WDR27: variants seen among roughly 807,000 people sequenced by gnomAD.
WDR27 encodes WD repeat-containing protein 27.
In WDR27, 100 loss-of-function variants were observed where a neutral mutation model predicts 114.4. That is an observed-to-expected ratio of 0.87 (90% confidence interval 0.74 to 1.03). The LOEUF is 1.03. Ranked by LOEUF, WDR27 falls within the 50% of genes least tolerant of loss-of-function variation. The pLI is 0.00. For missense variants in WDR27, 1,129 were observed against 1,092.9 expected, an observed-to-expected ratio of 1.03 and a Z score of -0.47; for synonymous variants, 449 against 423.1, an observed-to-expected ratio of 1.06 and a Z score of -0.75.
intron 13 of WDR27, 154 bp downstream of exon 13, chr6:169,658,122 C>T (rs957410781): frequency 9.9e-5 from 63 of 633,752 alleles, no homozygotes; most frequent in Non-Finnish European, 4.5e-5. Flanking sequence ...ACATGGAACA[C>T]GCACGAGAGG....
chr6:169,490,362 G>A (rs148328478), intron 25 of WDR27, among the ~76,000 whole-genome samples: 158 of 152,346 alleles, frequency 1.0e-3, no homozygotes, highest in Middle Eastern at 3.4e-3. Context: ...TTCTAAGAAG[G>A]TTTGGGATTG....
At chr6:169,492,007 A>G (rs920541781) in intron 25 of WDR27, among the ~76,000 whole-genome samples, 1 of 152,248 alleles carries the variant, frequency 6.6e-6, no homozygotes, top group African/African-American at 2.4e-5. Context: ...GAATGCTAAG[A>G]GGACAGACAA....
chr6:169,508,720 A>G (rs1469977868), intron 25 of WDR27, among the ~76,000 whole-genome samples: 3 of 152,246 alleles, frequency 2.0e-5, no homozygotes, highest in African/African-American at 7.2e-5. Context: ...AGGCTTAAAC[A>G]ACTTTACAAC....
At chr6:169,541,913 G>A (rs1584087982) in intron 25 of WDR27, among the ~76,000 whole-genome samples, 1 of 152,070 alleles carries the variant, frequency 6.6e-6, no homozygotes, top group Admixed American at 6.5e-5. Context: ...TCCTCCTCTA[G>A]ACAAATAGGG....
chr6:169,690,212 C>G (rs1784125972), intron 1 of WDR27, among the ~76,000 whole-genome samples: 2 of 152,060 alleles, frequency 1.3e-5, no homozygotes, highest in Admixed American at 1.3e-4. Flanking sequence ...ACCCATGAGG[C>G]CCTCATGCTG....
intron 25 of WDR27, among the ~76,000 whole-genome samples, chr6:169,535,578 A>T (rs1796113518): frequency 6.6e-6 from 1 of 152,202 alleles, no homozygotes; most frequent in Non-Finnish European, 1.5e-5. Context: ...AATATGTTCC[A>T]GTAGTTCACC....
At chr6:169,440,458 C>T in the WDR27 span, among the ~76,000 whole-genome samples, 1 of 152,092 alleles carries the variant, frequency 6.6e-6, no homozygotes, top group Non-Finnish European at 1.5e-5. Context: ...CAGAGTTCAC[C>T]AAACCACCCA....
At chr6:169,683,884 T>A (rs1374399100) in intron 2 of WDR27, among the ~76,000 whole-genome samples, 1 of 152,154 alleles carries the variant, frequency 6.6e-6, no homozygotes, top group Non-Finnish European at 1.5e-5. Context: ...TACCCCAGAT[T>A]AGGAGCACGA....
intron 24 of WDR27, among the ~76,000 whole-genome samples, chr6:169,580,666 T>C (rs1176264996): frequency 6.6e-6 from 1 of 152,160 alleles, no homozygotes; most frequent in Non-Finnish European, 1.5e-5. Flanking sequence ...ACCAACATTG[T>C]CCAATCCTGA....
the WDR27 span, among the ~76,000 whole-genome samples, chr6:169,445,989 C>T: frequency 6.6e-6 from 1 of 152,236 alleles, no homozygotes; most frequent in African/African-American, 2.4e-5. Context: ...TACACAGGCT[C>T]CACAATGAGG....
intron 14 of WDR27, among the ~76,000 whole-genome samples, chr6:169,650,473 A>C: frequency 3.9e-5 from 4 of 102,956 alleles, no homozygotes; most frequent in South Asian, 6.6e-4. Context: ...CTATCCACCC[A>C]CTCATCCATC....
At chr6:169,469,645 T>A (rs1233855327) in intron 25 of WDR27, among the ~76,000 whole-genome samples, 1 of 152,168 alleles carries the variant, frequency 6.6e-6, no homozygotes, top group Non-Finnish European at 1.5e-5. Context: ...CACTGAATCA[T>A]CTTCAGGATC....
chr6:169,658,384 AC>A, intron 12 of WDR27, 26 bp from the exon 13 acceptor site: 1 of 1,563,016 alleles, frequency 6.4e-7, no homozygotes, highest in Non-Finnish European at 8.7e-7. Flanking sequence ...GCCCCATGAA[AC>A]TAGGAGCGCA....
chr6:169,673,447 C>T (rs4236177), intron 2 of WDR27, among the ~76,000 whole-genome samples: 75,103 of 151,682 alleles, frequency 0.5, 22,880 homozygotes, highest in East Asian at 0.95. Context: ...TATACAAACA[C>T]ACACACATAT....
intron 25 of WDR27, among the ~76,000 whole-genome samples, chr6:169,468,589 G>A (rs960781531): frequency 1.3e-4 from 20 of 152,160 alleles, no homozygotes; most frequent in African/African-American, 4.3e-4. Flanking sequence ...TGACACATGG[G>A]GATTGTGGGA....
chr6:169,473,201 ATCTCTTAATGTCCGG>A (rs1722817817), intron 25 of WDR27, among the ~76,000 whole-genome samples: 1 of 152,214 alleles, frequency 6.6e-6, no homozygotes, highest in Admixed American at 6.5e-5. Context: ...TAGGAACCAG[ATCTCTTAATGTCCGG>A]TCTCTGTCCA....
At chr6:169,523,654 G>A (rs187067773) in intron 25 of WDR27, among the ~76,000 whole-genome samples, 43 of 151,862 alleles carry the variant, frequency 2.8e-4, no homozygotes, top group Non-Finnish European at 4.4e-4. Context: ...TAATAAACAG[G>A]ATACATCACA....
At chr6:169,560,801 G>T (rs78268346) in intron 25 of WDR27, among the ~76,000 whole-genome samples, 1 of 151,976 alleles carries the variant, frequency 6.6e-6, no homozygotes, top group Admixed American at 6.6e-5. Flanking sequence ...ATACACACAC[G>T]CCCCTCACAG....
At chr6:169,605,593 A>AC (rs1157076368) in intron 22 of WDR27, among the ~76,000 whole-genome samples, 1 of 20,760 alleles carries the variant, frequency 4.8e-5, no homozygotes, top group Non-Finnish European at 1.3e-4. Context: ...CATTTTTTAC[A>AC]TTAAAAAAAA....
Sources: allele counts gnomAD v4.1 joint callset (sites outside exome capture counted in the v4.1 genomes callset), GRCh38; gene constraint gnomAD v4.1.1; transcripts MANE v1.5; gene names NCBI Gene and HGNC (gene_info 2026-07-23, HGNC 2026-07-21).